ATRNL1: variants seen among roughly 807,000 people sequenced by gnomAD.
The protein encoded by ATRNL1 is attractin like 1, also known as attractin-like protein 1.
In ATRNL1, 95 loss-of-function variants were observed where a neutral mutation model predicts 182.7. That is an observed-to-expected ratio of 0.52 (90% CI 0.44 to 0.62). ATRNL1 has a LOEUF of 0.62. ATRNL1 is among the 20% of genes least tolerant of loss of function. The pLI is 0.00. For missense variants in ATRNL1, 1,471 were observed against 1,679.5 expected, an observed-to-expected ratio of 0.88 and a Z score of 2.17; for synonymous variants, 576 against 568.3, an observed-to-expected ratio of 1.01 and a Z score of -0.19.
intron 27 of ATRNL1, among the ~76,000 whole-genome samples, chr10:115,755,983 G>A (rs188820387): frequency 1.6e-3 from 249 of 152,178 alleles, no homozygotes; most frequent in African/African-American, 4.8e-3. Context: ...TCTGCTGGTC[G>A]TTTGTATTTC....
intron 27 of ATRNL1, among the ~76,000 whole-genome samples, chr10:115,776,607 T>TTTTTTTTTTTTTTTTTTTTTTTA (rs1565369382): frequency 6.6e-6 from 1 of 152,120 alleles, no homozygotes; most frequent in African/African-American, 2.4e-5. Flanking sequence ...TATTCATTCT[T>TTTTTTTTTTTTTTTTTTTTTTTA]GAAACGAAGC....
At chr10:115,171,766 T>C (rs1170349533) in intron 8 of ATRNL1, among the ~76,000 whole-genome samples, 2 of 152,038 alleles carry the variant, frequency 1.3e-5, no homozygotes, top group Non-Finnish European at 2.9e-5. Flanking sequence ...TAAGAGATTA[T>C]TATCTGTTAT....
intron 21 of ATRNL1, among the ~76,000 whole-genome samples, chr10:115,430,969 A>G (rs1846131990): frequency 6.6e-6 from 1 of 152,160 alleles, no homozygotes; most frequent in Admixed American, 6.5e-5. Context: ...AATCAAATTT[A>G]TATCTGATTT....
intron 9 of ATRNL1, among the ~76,000 whole-genome samples, chr10:115,234,940 T>A (rs1416316050): frequency 1.3e-5 from 2 of 152,168 alleles, no homozygotes; most frequent in Non-Finnish European, 2.9e-5. Flanking sequence ...GGTTTTCCCT[T>A]TTTATACTCT....
chr10:115,128,071 G>A (rs1344868871), intron 4 of ATRNL1, among the ~76,000 whole-genome samples: 2 of 152,202 alleles, frequency 1.3e-5, no homozygotes, highest in Admixed American at 6.5e-5. Context: ...TATATCACTT[G>A]TAATTTGAAG....
At chr10:115,172,840 TG>T (rs1173586943) in intron 8 of ATRNL1, among the ~76,000 whole-genome samples, 5 of 133,358 alleles carry the variant, frequency 3.7e-5, no homozygotes, top group Non-Finnish European at 5.3e-5. Context: ...GTTCTCAAGT[TG>T]TTTTTTTTTT....
intron 26 of ATRNL1, among the ~76,000 whole-genome samples, chr10:115,562,734 A>G (rs1357381692): frequency 1.3e-5 from 2 of 152,148 alleles, no homozygotes; most frequent in Non-Finnish European, 2.9e-5. Flanking sequence ...GGATGTGTTC[A>G]GTTCCCCTTC....
intron 8 of ATRNL1, among the ~76,000 whole-genome samples, chr10:115,213,624 G>T (rs534450399): frequency 6.6e-6 from 1 of 152,030 alleles, no homozygotes; most frequent in East Asian, 1.9e-4. Context: ...TAAGGTCTGT[G>T]GGGGGAGCAG....
chr10:115,425,629 A>G (rs578082693), intron 20 of ATRNL1, among the ~76,000 whole-genome samples: 1 of 152,112 alleles, frequency 6.6e-6, no homozygotes, highest in Non-Finnish European at 1.5e-5. Flanking sequence ...ATGTTCTTTC[A>G]CTTTTTAAAA....
intron 25 of ATRNL1, among the ~76,000 whole-genome samples, chr10:115,541,126 A>G (rs1345805796): frequency 6.6e-6 from 1 of 152,242 alleles, no homozygotes; most frequent in Non-Finnish European, 1.5e-5. Context: ...ATGACGAGTC[A>G]AGTCACACAG....
intron 25 of ATRNL1, among the ~76,000 whole-genome samples, chr10:115,540,002 C>G (rs999470864): frequency 8.0e-5 from 12 of 150,156 alleles, no homozygotes; most frequent in African/African-American, 2.5e-4. Flanking sequence ...AGGGGGAGGG[C>G]TAGCATTAGG....
chr10:115,237,805 G>A (rs1850250425), intron 9 of ATRNL1, among the ~76,000 whole-genome samples: 1 of 151,988 alleles, frequency 6.6e-6, no homozygotes, highest in Admixed American at 6.6e-5. Flanking sequence ...ACCAAACCCA[G>A]GTTACCTAGA....
intron 20 of ATRNL1, among the ~76,000 whole-genome samples, chr10:115,426,042 A>T (rs1233241473): frequency 6.6e-6 from 1 of 151,934 alleles, no homozygotes; most frequent in Admixed American, 6.6e-5. Flanking sequence ...TCACTATTTC[A>T]TCTCTCACTT....
chr10:115,375,018 G>T (rs1241159862), intron 19 of ATRNL1, among the ~76,000 whole-genome samples: 5 of 145,318 alleles, frequency 3.4e-5, no homozygotes, highest in East Asian at 4.0e-4. Context: ...ATCCAATGTT[G>T]TTTTTTTTTT....
At chr10:115,259,739 G>A (rs1488332954) in intron 10 of ATRNL1, among the ~76,000 whole-genome samples, 1 of 152,066 alleles carries the variant, frequency 6.6e-6, no homozygotes, top group Admixed American at 6.6e-5. Flanking sequence ...TTCCTATTCG[G>A]CCATCTTGGA....
intron 27 of ATRNL1, among the ~76,000 whole-genome samples, chr10:115,827,761 C>A (rs1467780414): frequency 6.6e-6 from 1 of 152,118 alleles, no homozygotes. Context: ...TGAACAAAAG[C>A]AGTTGTCGAA....
intron 26 of ATRNL1, among the ~76,000 whole-genome samples, chr10:115,613,683 C>G (rs1857281901): frequency 6.6e-6 from 1 of 152,100 alleles, no homozygotes; most frequent in Non-Finnish European, 1.5e-5. Context: ...AAGACTATTA[C>G]TGGTTCAATC....
intron 8 of ATRNL1, among the ~76,000 whole-genome samples, chr10:115,214,120 G>T (rs1015827731): frequency 1.3e-5 from 2 of 150,508 alleles, no homozygotes; most frequent in Admixed American, 6.6e-5. Context: ...TTATGTATAC[G>T]AAAATATTCA....
At chr10:115,691,111 G>C (rs1946380899) in intron 26 of ATRNL1, among the ~76,000 whole-genome samples, 2 of 152,124 alleles carry the variant, frequency 1.3e-5, no homozygotes, top group Admixed American at 1.3e-4. Flanking sequence ...TAATTTTGGT[G>C]CTTCCTTCTG....
Sources: allele counts gnomAD v4.1 joint callset (sites outside exome capture counted in the v4.1 genomes callset), GRCh38; gene constraint gnomAD v4.1.1; transcripts MANE v1.5; gene names NCBI Gene and HGNC (gene_info 2026-07-23, HGNC 2026-07-21).